Variants in R3HDM2 observed in about 807,000 individuals in gnomAD.
R3HDM2 encodes R3H domain containing 2, also known as R3H domain-containing protein 2.
A neutral mutation model predicts 124.5 loss-of-function variants in R3HDM2; 38 were observed. That is an observed-to-expected ratio of 0.31 (90% CI 0.24 to 0.40). The LOEUF (loss-of-function observed/expected upper bound fraction) is 0.40, where lower values mean the gene tolerates loss of function less well. Among genes scored for constraint, R3HDM2 ranks in the 10% least tolerant of loss-of-function variants. The pLI is 1.00. For missense variants in R3HDM2, 869 were observed against 1,236.9 expected, an observed-to-expected ratio of 0.70 and a Z score of 4.46; for synonymous variants, 391 against 448.0, an observed-to-expected ratio of 0.87 and a Z score of 1.61.
chr12:57,342,791 T>G (rs768484419), intron 2 of R3HDM2, among the ~76,000 whole-genome samples: 2 of 152,248 alleles, frequency 1.3e-5, no homozygotes, highest in Admixed American at 6.5e-5. Context: ...TAAAAGCTAC[T>G]GGGCTGGACT....
intron 2 of R3HDM2, among the ~76,000 whole-genome samples, chr12:57,349,296 C>T (rs1296764356): frequency 2.2e-5 from 3 of 135,026 alleles, no homozygotes; most frequent in East Asian, 2.6e-4. Context: ...AGGAGAATGG[C>T]GTGAACCCGG....
chr12:57,305,362 A>G (rs1312852706), intron 3 of R3HDM2, among the ~76,000 whole-genome samples: 4 of 152,102 alleles, frequency 2.6e-5, no homozygotes, highest in Non-Finnish European at 4.4e-5. Context: ...TTCACCATTT[A>G]GGATGTTTCT....
rs1307767250 is a variant in R3HDM2 at position 57,268,507 on chromosome 12, T to TCAGAAACA, written c.1876-51_1876-50insTGTTTCTG. 3 of 1,594,392 alleles carry TCAGAAACA rather than the reference T, an allele frequency of 1.9e-6. No homozygotes were observed. The Admixed American group carries it at 5.0e-5, about 27-fold the overall frequency. On this transcript the variant is annotated intron_variant, in intron 17 of 23. Transcript: ENST00000402412. ...AATCACATTCGCATTCACATTGAGC[T>TCAGAAACA]CATGCAGAAACAGCCTAGTCATCAC...
chr12:57,393,594 C>T (rs2067054700), intron 2 of R3HDM2, among the ~76,000 whole-genome samples: 1 of 152,098 alleles, frequency 6.6e-6, no homozygotes, highest in African/African-American at 2.4e-5. Context: ...CACCATCAAG[C>T]ATACTAACAA....
At chr12:57,276,666 TC>T (rs2044835880) in intron 14 of R3HDM2, among the ~76,000 whole-genome samples, 1 of 152,140 alleles carries the variant, frequency 6.6e-6, no homozygotes, top group Non-Finnish European at 1.5e-5. Flanking sequence ...GGTGGGCGGA[TC>T]ATGAGGTCAG....
intron 2 of R3HDM2, among the ~76,000 whole-genome samples, chr12:57,365,764 C>T (rs529653894): frequency 5.9e-5 from 9 of 152,014 alleles, no homozygotes; most frequent in South Asian, 2.1e-4. Context: ...GGTGAAACCC[C>T]GTCTCTATTA....
In R3HDM2 at chr12:57,296,838, C is replaced by T. The variant is rs552906564; in HGVS notation, c.561-287G>A. 81 of 274,686 alleles carry T rather than the reference C, an allele frequency of 2.9e-4. No individual in the cohort carries two copies. Among genetic ancestry groups the T allele is most frequent in the African/African-American group, 1.5e-3 (70 of 45,640 alleles). The allele number at this position is 274,686 out of a possible 1,614,324, so 17.0% of individuals were successfully genotyped here. The stretch of plus-strand genomic sequence containing the variant: ...CAGCACTTTGGGAGGCCAAGGCAGG[C>T]GGATCAATTGAGTTCAGGAGTTCAA... On this transcript the variant is annotated intron_variant, in intron 8 of 23. Coordinates refer to ENST00000402412, the MANE Select transcript of R3HDM2 (RefSeq NM_001394031.1). This position sits in a 1 kb window ranked among gnomAD's most constrained non-coding sequence, Gnocchi z 4.5.
At chr12:57,414,607 G>A (rs1399269682) in intron 1 of R3HDM2, among the ~76,000 whole-genome samples, 2 of 151,224 alleles carry the variant, frequency 1.3e-5, no homozygotes, top group Admixed American at 6.6e-5. Context: ...GAGGCAGAGA[G>A]ATCAGCTCAG....
chr12:57,422,147 G>T (rs2070283002), intron 1 of R3HDM2, among the ~76,000 whole-genome samples: 5 of 149,564 alleles, frequency 3.3e-5, no homozygotes, highest in Admixed American at 2.7e-4. Flanking sequence ...CTCTGCACTT[G>T]CATGACTACT....
chr12:57,300,316 C>T (rs2050838613), intron 4 of R3HDM2, 135 bp from the exon 5 acceptor site: 1 of 709,648 alleles, frequency 1.4e-6, no homozygotes, highest in Non-Finnish European at 2.3e-6. Flanking sequence ...TTCCATTAAA[C>T]AGGGGTTTTT....
intron 2 of R3HDM2, among the ~76,000 whole-genome samples, chr12:57,320,334 G>T (rs1403229925): frequency 7.3e-6 from 1 of 137,220 alleles, no homozygotes; most frequent in African/African-American, 2.7e-5. Context: ...AAAAGGCAGA[G>T]AAGTAATTCC....
chr12:57,349,103 G>C (rs961350975), intron 2 of R3HDM2, among the ~76,000 whole-genome samples: 1 of 151,216 alleles, frequency 6.6e-6, no homozygotes, highest in African/African-American at 2.4e-5. Flanking sequence ...AATCAAGGCC[G>C]GGCATGGTGG....
chr12:57,414,243 T>C (rs1429025700), intron 1 of R3HDM2, among the ~76,000 whole-genome samples: 1 of 150,578 alleles, frequency 6.6e-6, no homozygotes, highest in African/African-American at 2.4e-5. Context: ...CCCAGCACTC[T>C]GGGAGGCTGA....
At chr12:57,363,600 A>G (rs2062209386) in intron 2 of R3HDM2, among the ~76,000 whole-genome samples, 1 of 152,242 alleles carries the variant, frequency 6.6e-6, no homozygotes. Flanking sequence ...GCAACAAAAT[A>G]ATAAAATTTG....
At chr12:57,424,267 CG>C (rs1458341374) in intron 1 of R3HDM2, among the ~76,000 whole-genome samples, 2 of 151,906 alleles carry the variant, frequency 1.3e-5, no homozygotes, top group Non-Finnish European at 2.9e-5. Context: ...AAGCAATTCT[CG>C]TGCCTCAGCC....
At chr12:57,260,917 C>T (rs967925766) in intron 19 of R3HDM2, among the ~76,000 whole-genome samples, 1 of 152,184 alleles carries the variant, frequency 6.6e-6, no homozygotes, top group Non-Finnish European at 1.5e-5. Flanking sequence ...GCTCAGGAGA[C>T]AGCATCTGTC....
intron 2 of R3HDM2, among the ~76,000 whole-genome samples, chr12:57,322,836 A>T (rs1352758313): frequency 6.6e-6 from 1 of 152,214 alleles, no homozygotes; most frequent in South Asian, 2.1e-4. Context: ...GCTCATTCAG[A>T]AGCATTCTGG....
intron 10 of R3HDM2, among the ~76,000 whole-genome samples, 194 bp from the exon 11 acceptor site, chr12:57,292,861 C>T (rs1336791782): frequency 6.6e-6 from 1 of 152,164 alleles, no homozygotes; most frequent in African/African-American, 2.4e-5. Flanking sequence ...ATCAGGTTTT[C>T]TGGATGGCTG....
intron 19 of R3HDM2, 101 bp from the exon 20 acceptor site, chr12:57,259,160 C>G: frequency 1.6e-6 from 2 of 1,228,120 alleles, no homozygotes. Context: ...CACCCATTGC[C>G]TCAGGGTCAC....
Sources: gnomAD v4.1 joint callset for allele counts (sites outside exome capture counted in the v4.1 genomes callset) on GRCh38, gnomAD v4.1.1 for gene constraint, Gnocchi (gnomAD v3.1) non-coding constraint, MANE v1.5 for transcripts, NCBI Gene and HGNC (gene_info 2026-07-23, HGNC 2026-07-21) for gene names.